The following MITD1 variants were observed in gnomAD, a reference collection of about 807,000 sequenced individuals.
MITD1 encodes MIT domain-containing protein 1.
Under a neutral mutation model 34.9 loss-of-function variants are expected in MITD1, and 24 were observed. The observed-to-expected ratio is 0.69, with a 90% CI of 0.50 to 0.97. The LOEUF (loss-of-function observed/expected upper bound fraction) is 0.97, where lower values mean the gene tolerates loss of function less well. Among genes scored for constraint, MITD1 ranks in the 50% least tolerant of loss-of-function variants. MITD1 has a pLI of 0.00. For synonymous variants in MITD1, 102 were observed against 101.4 expected, an observed-to-expected ratio of 1.01 and a Z score of -0.04; for missense variants, 266 against 294.6, an observed-to-expected ratio of 0.90 and a Z score of 0.71.
intron 2 of MITD1, chr2:99,173,697 T>G: frequency 1.7e-6 from 1 of 572,848 alleles, no homozygotes. Context: ...GTGTCTGATA[T>G]TCCCACCCCC....
At chr2:99,169,173 T>C, downstream of MITD1, 1 of 373,738 alleles carries the variant, frequency 2.7e-6, no homozygotes, top group Non-Finnish European at 4.8e-6. Flanking sequence ...ATTAGCTGTA[T>C]TACTTGAAAG....
chr2:99,170,941 G>T, intron 4 of MITD1: 1 of 262,596 alleles, frequency 3.8e-6, no homozygotes. Context: ...GAAATCAATC[G>T]TAGAAATCAT....
downstream of MITD1, chr2:99,169,218 A>G (rs956251584): frequency 2.2e-5 from 11 of 493,194 alleles, no homozygotes; most frequent in Admixed American, 1.5e-4. Flanking sequence ...TATATTTACA[A>G]AAATATTTAG....
intron 7 of MITD1, chr2:99,162,849 G>A (rs577007421): frequency 6.2e-7 from 1 of 1,613,242 alleles, no homozygotes; most frequent in East Asian, 2.2e-5. Flanking sequence ...GGAAATTAAA[G>A]TATTCATAGA....
At chr2:99,175,859 A>T (rs1182258707) in intron 1 of MITD1, among the ~76,000 whole-genome samples, 1 of 152,128 alleles carries the variant, frequency 6.6e-6, no homozygotes, top group African/African-American at 2.4e-5. Flanking sequence ...TGGCTTTGAC[A>T]TCTCCTTCAT....
At chr2:99,166,115 CAGGT>C (rs1162416739), downstream of MITD1, among the ~76,000 whole-genome samples, 1 of 151,026 alleles carries the variant, frequency 6.6e-6, no homozygotes, top group Non-Finnish European at 1.5e-5. Flanking sequence ...TTGCTTATAT[CAGGT>C]AGGAGCAGTT....
intron 5 of MITD1, 93 bp from the exon 6 acceptor site, chr2:99,169,703 CT>C: frequency 1.0e-6 from 1 of 1,003,382 alleles, no homozygotes; most frequent in South Asian, 1.4e-5. Context: ...AAATTTCCCC[CT>C]AACAAAGCAA....
chr2:99,165,057 CACACATAT>C (rs1425209003), downstream of MITD1, among the ~76,000 whole-genome samples: 6 of 122,816 alleles, frequency 4.9e-5, no homozygotes, highest in African/African-American at 1.4e-4. Context: ...CACACACACA[CACACATAT>C]ATATATAGTC....
downstream of MITD1, among the ~76,000 whole-genome samples, chr2:99,165,086 G>A (rs991391434): frequency 6.7e-6 from 1 of 148,444 alleles, no homozygotes; most frequent in African/African-American, 2.5e-5. Flanking sequence ...TTATTTTTTT[G>A]AGACAGAGTC....
chr2:99,178,222 C>CAT (rs1213890103), intron 1 of MITD1: 1 of 152,142 alleles, frequency 6.6e-6, no homozygotes, highest in Non-Finnish European at 1.5e-5. Context: ...ATCAATGGAT[C>CAT]ATATGGTAGT....
chr2:99,180,700 A>AT, intron 1 of MITD1, 131 bp downstream of exon 1: 1 of 784,166 alleles, frequency 1.3e-6, no homozygotes, highest in Admixed American at 2.2e-5. Flanking sequence ...CCTATAGAAT[A>AT]TCCCACCTTC....
intron 7 of MITD1, chr2:99,162,846 A>G (rs1160514844): frequency 6.2e-7 from 1 of 1,613,382 alleles, no homozygotes; most frequent in Non-Finnish European, 8.5e-7. Flanking sequence ...CTTGGAAATT[A>G]AAGTATTCAT....
chr2:99,166,384 TAC>T (rs2093826883), downstream of MITD1, among the ~76,000 whole-genome samples: 1 of 150,726 alleles, frequency 6.6e-6, no homozygotes, highest in African/African-American at 2.4e-5. Flanking sequence ...AATATGGTAG[TAC>T]AGAGATCACT....
At chr2:99,167,403 G>A (rs1430944960), downstream of MITD1, among the ~76,000 whole-genome samples, 1 of 152,094 alleles carries the variant, frequency 6.6e-6, no homozygotes, top group Non-Finnish European at 1.5e-5. Flanking sequence ...AGCTGTACCT[G>A]GTAGGCTTCT....
At chr2:99,166,899 A>ATATATATATTT (rs1409831691), downstream of MITD1, among the ~76,000 whole-genome samples, 1 of 133,890 alleles carries the variant, frequency 7.5e-6, no homozygotes, top group Non-Finnish European at 1.6e-5. Context: ...ATATATATAA[A>ATATATATATTT]TTTTTCATTA....
Position 99,171,649 on chromosome 2 carries a change from A to G in MITD1, c.254-3T>C, listed in dbSNP as rs762204262. 3 of 1,612,248 alleles carry G rather than the reference A, an allele frequency of 1.9e-6. No homozygotes were observed. The highest frequency in any genetic ancestry group is 2.2e-5 in the East Asian group (1 of 44,768). ...AATTTGCTTGTGATATTTTCCATCT[A>G]TAAAACACAGGCTTCAACAGTAAAA... is the stretch of plus-strand genomic sequence containing the variant. On this transcript the variant is annotated splice_polypyrimidine_tract_variant and splice_region_variant and intron_variant, in intron 2 of 6. Transcript: ENST00000289359.
Position 99,180,821 on chromosome 2 carries a change from C to G in MITD1, c.151+10G>C. 1 of 1,612,994 alleles carries G rather than the reference C, an allele frequency of 6.2e-7. No homozygotes were observed. The highest frequency in any genetic ancestry group is 8.5e-7 in the Non-Finnish European group (1 of 1,178,986). Reference sequence around the variant, plus strand: ...TCCTCAGGTCCTCCCCGCCTTGGCTCATTGCTCACCTTTCAGAACCTGCAG... The same window carrying G: ...TCCTCAGGTCCTCCCCGCCTTGGCTGATTGCTCACCTTTCAGAACCTGCAG... On this transcript the variant is annotated intron_variant, in intron 1 of 6. Coordinates refer to ENST00000289359, the MANE Select transcript of MITD1 (RefSeq NM_138798.3).
chr2:99,165,061 C>CACACACACACACACACACAT (rs370053233), downstream of MITD1, among the ~76,000 whole-genome samples: 11 of 135,282 alleles, frequency 8.1e-5, no homozygotes, highest in East Asian at 1.3e-3. Context: ...CACACACACA[C>CACACACACACACACACACAT]ATATATATAT....
intron 2 of MITD1, chr2:99,172,396 A>G (rs1173355986): frequency 6.6e-6 from 1 of 151,994 alleles, no homozygotes; most frequent in African/African-American, 2.4e-5. Flanking sequence ...AAAAAAAAAA[A>G]AAAAATTAAT....
Sources: gnomAD v4.1 joint callset for allele counts (sites outside exome capture counted in the v4.1 genomes callset) on GRCh38, gnomAD v4.1.1 for gene constraint, MANE v1.5 for transcripts, NCBI Gene and HGNC (gene_info 2026-07-23, HGNC 2026-07-21) for gene names.